Variants in FBXL17 observed in about 807,000 individuals in gnomAD.
FBXL17 encodes F-box/LRR-repeat protein 17.
Under a neutral mutation model 66.2 loss-of-function variants are expected in FBXL17, and 22 were observed. The ratio of observed to expected loss-of-function variants is 0.33; its 90% CI spans 0.24 to 0.47. The LOEUF is 0.47. Among genes scored for constraint, FBXL17 ranks in the 20% least tolerant of loss-of-function variants. The probability of loss-of-function intolerance (pLI) is 1.00; values close to 1 mark genes in which losing one functional copy is unlikely to be tolerated. For missense variants in FBXL17, 878 were observed against 948.2 expected, an observed-to-expected ratio of 0.93 and a Z score of 0.97; for synonymous variants, 474 against 400.5, an observed-to-expected ratio of 1.18 and a Z score of -2.19.
At chr5:108,204,185 T>A (rs1754014862) in intron 5 of FBXL17, among the ~76,000 whole-genome samples, 1 of 152,084 alleles carries the variant, frequency 6.6e-6, no homozygotes, top group African/African-American at 2.4e-5. Flanking sequence ...TAATAGTTAT[T>A]TAATATAAGG....
At chr5:108,343,135 G>C (rs911862390) in intron 4 of FBXL17, among the ~76,000 whole-genome samples, 24 of 152,150 alleles carry the variant, frequency 1.6e-4, no homozygotes, top group Non-Finnish European at 3.1e-4. Context: ...CCTTAATCTT[G>C]GACTTGTCAG....
At chr5:108,072,744 A>C (rs1748390536) in intron 6 of FBXL17, among the ~76,000 whole-genome samples, 1 of 152,096 alleles carries the variant, frequency 6.6e-6, no homozygotes, top group South Asian at 2.1e-4. Context: ...CCTCAACCAT[A>C]TCTTGACTTC....
Position 108,066,739 on chromosome 5 carries a change from T to A in FBXL17, c.1746-45738A>T, listed in dbSNP as rs549982532. Among the ~76,000 whole-genome samples, 12 of 152,114 alleles carry A rather than the reference T, an allele frequency of 7.9e-5. No individual in the cohort carries two copies. The East Asian group carries it at 2.3e-3, about 29-fold the overall frequency. Reference sequence around the variant, plus strand: ...AAACTTACATATTTTCACAAGTTTTTAAAATCAGTTGTTTTTATAATTATA... The same window carrying A: ...AAACTTACATATTTTCACAAGTTTTAAAAATCAGTTGTTTTTATAATTATA... On this transcript the variant is annotated intron_variant, in intron 6 of 8. Transcript: ENST00000542267.
chr5:108,126,977 T>G (rs922311982), intron 6 of FBXL17, among the ~76,000 whole-genome samples: 1 of 151,958 alleles, frequency 6.6e-6, no homozygotes, highest in Non-Finnish European at 1.5e-5. Flanking sequence ...CCATTTAAAG[T>G]CACCAGAAAC....
chr5:108,360,894 T>C (rs1394066386), intron 3 of FBXL17, among the ~76,000 whole-genome samples: 1 of 152,172 alleles, frequency 6.6e-6, no homozygotes, highest in Non-Finnish European at 1.5e-5. Flanking sequence ...TCAGTTATTG[T>C]ACTTCTTAGC....
chr5:108,132,909 C>G (rs1750991691), intron 6 of FBXL17, among the ~76,000 whole-genome samples: 1 of 152,086 alleles, frequency 6.6e-6, no homozygotes, highest in South Asian at 2.1e-4. Flanking sequence ...TTACCTCTAA[C>G]CTGGCATAGA....
At chr5:108,010,056 T>C (rs1030058800) in intron 7 of FBXL17, among the ~76,000 whole-genome samples, 1 of 152,158 alleles carries the variant, frequency 6.6e-6, no homozygotes, top group African/African-American at 2.4e-5. Flanking sequence ...TAGACCAGTA[T>C]TTTTCAAACT....
At chr5:108,105,429 G>C (rs1749759506) in intron 6 of FBXL17, among the ~76,000 whole-genome samples, 1 of 152,210 alleles carries the variant, frequency 6.6e-6, no homozygotes, top group Non-Finnish European at 1.5e-5. Flanking sequence ...GTAAACCAGT[G>C]AAGGCTTTGG....
At chr5:108,264,644 A>C (rs980193883) in intron 4 of FBXL17, among the ~76,000 whole-genome samples, 5 of 152,182 alleles carry the variant, frequency 3.3e-5, no homozygotes, top group Non-Finnish European at 5.9e-5. Flanking sequence ...GGAAGTATTC[A>C]GAATTTTCAT....
intron 1 of FBXL17, among the ~76,000 whole-genome samples, chr5:108,375,231 C>A (rs963552600): frequency 6.6e-6 from 1 of 152,014 alleles, no homozygotes; most frequent in African/African-American, 2.4e-5. Flanking sequence ...CGCCAGCATG[C>A]CTGTGCACCC....
chr5:108,265,350 C>T (rs1411491672), intron 4 of FBXL17, among the ~76,000 whole-genome samples: 1 of 152,046 alleles, frequency 6.6e-6, no homozygotes, highest in East Asian at 1.9e-4. Context: ...ACAACTGACC[C>T]AATTAATCAT....
At chr5:108,357,365 G>GA (rs1748067843) in intron 3 of FBXL17, among the ~76,000 whole-genome samples, 1 of 151,892 alleles carries the variant, frequency 6.6e-6, no homozygotes, top group Non-Finnish European at 1.5e-5. Context: ...GAACTACAAG[G>GA]AAAAATGAAT....
intron 1 of FBXL17, among the ~76,000 whole-genome samples, chr5:108,371,208 G>T (rs1749017447): frequency 6.6e-6 from 1 of 152,180 alleles, no homozygotes; most frequent in Non-Finnish European, 1.5e-5. Context: ...TAGCAGAGCT[G>T]CAATATAGAC....
At chr5:108,231,561 G>T (rs1755341905) in intron 4 of FBXL17, among the ~76,000 whole-genome samples, 1 of 152,254 alleles carries the variant, frequency 6.6e-6, no homozygotes, top group Non-Finnish European at 1.5e-5. Flanking sequence ...TGTGCTTCCT[G>T]TTCCCGCAAC....
intron 7 of FBXL17, among the ~76,000 whole-genome samples, chr5:107,981,847 C>A (rs1393831525): frequency 6.6e-6 from 1 of 152,190 alleles, no homozygotes; most frequent in African/African-American, 2.4e-5. Flanking sequence ...CCCCACCATG[C>A]TGATTTACCT....
intron 4 of FBXL17, among the ~76,000 whole-genome samples, chr5:108,281,446 T>A (rs1362598698): frequency 3.3e-5 from 5 of 151,742 alleles, no homozygotes; most frequent in Admixed American, 3.3e-4. Context: ...ACTGGGTCAA[T>A]GAAGAAATTA....
chr5:108,325,837 A>G (rs1198443170), intron 4 of FBXL17, among the ~76,000 whole-genome samples: 2 of 152,166 alleles, frequency 1.3e-5, no homozygotes, highest in African/African-American at 4.8e-5. Flanking sequence ...GACAGTAATA[A>G]TGACAGGTGA....
At chr5:108,165,270 G>A (rs1217600570) in intron 6 of FBXL17, among the ~76,000 whole-genome samples, 1 of 152,158 alleles carries the variant, frequency 6.6e-6, no homozygotes, top group East Asian at 1.9e-4. Flanking sequence ...AAATATTACA[G>A]ACAGTGTAAT....
intron 7 of FBXL17, among the ~76,000 whole-genome samples, chr5:107,986,145 A>G (rs1753003009): frequency 6.6e-6 from 1 of 152,110 alleles, no homozygotes. Flanking sequence ...TAATAAATTT[A>G]TGAGATAACC....
Sources: allele counts gnomAD v4.1 joint callset (sites outside exome capture counted in the v4.1 genomes callset), GRCh38; gene constraint gnomAD v4.1.1; transcripts MANE v1.5; gene names NCBI Gene and HGNC (gene_info 2026-07-23, HGNC 2026-07-21).